The following LMO7 variants were observed in gnomAD, a reference collection of about 807,000 sequenced individuals.
LMO7 encodes the protein LIM domain only protein 7.
A neutral mutation model predicts 206.5 loss-of-function variants in LMO7; 120 were observed. The ratio of observed to expected loss-of-function variants is 0.58; its 90% CI spans 0.50 to 0.68. LMO7 has a LOEUF of 0.68. Ranked by LOEUF, LMO7 falls within the 30% of genes least tolerant of loss-of-function variation. The pLI is 0.00. For synonymous variants in LMO7, 706 were observed against 681.5 expected, an observed-to-expected ratio of 1.04 and a Z score of -0.56; for missense variants, 1,959 against 1,957.9, an observed-to-expected ratio of 1.00 and a Z score of -0.01.
chr13:75,819,307 T>C lies in LMO7; in HGVS notation c.2065-86T>C, dbSNP rs191148483. 3.1e-5 allele frequency: 45 copies of C among 1,435,364 alleles called. No individual in the cohort carries two copies. In the East Asian group the frequency reaches 8.5e-4, roughly 27 times the overall value. 88.9% of individuals were successfully genotyped at this position (1,435,364 alleles called of 1,614,324 possible). ...GTTGGAGTGAATAGTTTCAGTGATGTAATAAGATACTCTGGCACATTCTGT... is the reference window on the plus strand; with the variant it reads ...GTTGGAGTGAATAGTTTCAGTGATGCAATAAGATACTCTGGCACATTCTGT... On this transcript the variant is annotated intron_variant, in intron 12 of 30. Coordinates refer to ENST00000377534, the MANE Select transcript of LMO7 (RefSeq NM_001306080.2).
At chr13:75,642,060 T>C (rs775542758) in intron 1 of LMO7, among the ~76,000 whole-genome samples, 3 of 152,100 alleles carry the variant, frequency 2.0e-5, no homozygotes, top group Non-Finnish European at 4.4e-5. Flanking sequence ...TGGCAAGAGA[T>C]GAGGGAATTA....
At chr13:75,840,563 C>T (rs2059485155) in intron 22 of LMO7, 68 bp downstream of exon 22, 12 of 1,563,954 alleles carry the variant, frequency 7.7e-6, no homozygotes, top group African/African-American at 1.4e-5. Flanking sequence ...AGTCTGTCAA[C>T]CAGTATTGAG....
At chr13:75,799,047 T>G (rs2054395407) in intron 6 of LMO7, among the ~76,000 whole-genome samples, 1 of 152,246 alleles carries the variant, frequency 6.6e-6, no homozygotes, top group Non-Finnish European at 1.5e-5. Flanking sequence ...CCCCATCTGC[T>G]TGGAAGTAGC....
At chr13:75,785,935 G>C (rs377394388) in intron 4 of LMO7, among the ~76,000 whole-genome samples, 50 of 152,280 alleles carry the variant, frequency 3.3e-4, no homozygotes, top group African/African-American at 1.1e-3. Context: ...GTGTCTTCAG[G>C]AATATCAGTG....
intron 3 of LMO7, among the ~76,000 whole-genome samples, chr13:75,731,494 C>T (rs1356121246): frequency 6.6e-6 from 1 of 152,116 alleles, no homozygotes; most frequent in Non-Finnish European, 1.5e-5. Flanking sequence ...AGATCTTCCT[C>T]CATTCTTTTA....
intron 6 of LMO7, among the ~76,000 whole-genome samples, chr13:75,797,746 GC>G (rs1227648593): frequency 6.6e-6 from 1 of 152,194 alleles, no homozygotes; most frequent in Non-Finnish European, 1.5e-5. Flanking sequence ...ATGTATTATA[GC>G]AAGAGGTGGG....
Position 75,805,775 on chromosome 13 carries a change from A to G in LMO7, c.1196+15A>G, listed in dbSNP as rs775583992. ...CAGGGATTCAGGTTTGTCGTTGTGC[A>G]TGTTTCTGTCACACCAGTGTTCATT... On this transcript the variant is annotated intron_variant, in intron 9 of 30. Coordinates refer to ENST00000377534, the MANE Select transcript of LMO7 (RefSeq NM_001306080.2). 5.6e-6 allele frequency: 9 copies of G among 1,611,316 alleles called. No homozygotes were observed. The highest frequency in any genetic ancestry group is 8.5e-7 in the Non-Finnish European group (1 of 1,178,460).
rs1305271455 is a variant in LMO7, at chr13:75,805,617, G to A, written c.1053G>A (p.Val351=). ...ACATTGTAAAGGATGATCTTTATGTGCGCAAGCTCAGTCCAGTCATGCCAA... is the reference window on the plus strand; with the variant it reads ...ACATTGTAAAGGATGATCTTTATGTACGCAAGCTCAGTCCAGTCATGCCAA... ...IPNIVKDDLY[V]RKLSPVMPNP... The change falls in exon 9 of 31, where the codon GTG becomes GTA. Residue 351 remains valine (V), a synonymous_variant. Transcript: ENST00000377534. 1.2e-6 allele frequency: 2 copies of A among 1,614,050 alleles called. No individual in the cohort carries two copies. The highest frequency in any genetic ancestry group is 1.7e-6 in the Non-Finnish European group (2 of 1,179,904).
At chr13:75,829,106 T>C (rs897431830) in intron 15 of LMO7, among the ~76,000 whole-genome samples, 6 of 151,962 alleles carry the variant, frequency 3.9e-5, no homozygotes, top group African/African-American at 1.2e-4. Flanking sequence ...GACATGGCAA[T>C]GAATGAGGTT....
At chr13:75,718,327 G>A (rs1248234539) in intron 2 of LMO7, among the ~76,000 whole-genome samples, 1 of 152,164 alleles carries the variant, frequency 6.6e-6, no homozygotes, top group Non-Finnish European at 1.5e-5. Context: ...CCTTAAAGTT[G>A]AGGGTTGAAA....
intron 15 of LMO7, among the ~76,000 whole-genome samples, chr13:75,828,614 A>G (rs2058352011): frequency 6.6e-6 from 1 of 152,234 alleles, no homozygotes; most frequent in African/African-American, 2.4e-5. Flanking sequence ...TCTTCCAAGT[A>G]GGGCAGTAAG....
chr13:75,778,576 C>T lies in LMO7; in HGVS notation c.318-16825C>T, dbSNP rs538177527. On this transcript the variant is annotated intron_variant, in intron 4 of 30. Transcript: ENST00000377534. The stretch of plus-strand genomic sequence containing the variant: ...ATGCGCCCTTAAGCAGATGTAAGCA[C>T]CGTAAGGCATATTGAGTTTTTTTGA... 2.0e-5 allele frequency among the ~76,000 whole-genome samples: 3 copies of T among 152,352 alleles called. No homozygotes were observed. The East Asian group carries it at 5.8e-4, about 29-fold the overall frequency.
upstream of LMO7, chr13:75,635,981 G>GGCCGGGCGGCCGCGA (rs1376266832): frequency 2.0e-5 from 3 of 152,996 alleles, no homozygotes; most frequent in Admixed American, 1.3e-4. Flanking sequence ...ATGTCAAGCG[G>GGCCGGGCGGCCGCGA]GCCGGGCGGC....
rs374482530 is a variant in LMO7, at chr13:75,684,547, C to CTTT, written c.70-28618_70-28616dup. Among the ~76,000 whole-genome samples the CTTT allele has an allele frequency of 1.0e-4, 13 of 128,950 alleles. No individual in the cohort carries two copies. The East Asian group carries it at 1.2e-3, about 11-fold the overall frequency. The allele number at this position is 128,950 out of a possible 152,430, so 84.6% of individuals were successfully genotyped here. A position where few individuals can be genotyped will look rare whatever the true frequency, so the allele number is the denominator to read the frequency against. On this transcript the variant is annotated intron_variant, in intron 1 of 30. Transcript: ENST00000377534. ...GGCGTGAGCCACTGCGCCCGGCCGGCTTTTTTTTTTTTTTTTTTTAAACAA... is the reference window on the plus strand; with the variant it reads ...GGCGTGAGCCACTGCGCCCGGCCGGCTTTTTTTTTTTTTTTTTTTTTTAAACAA...
intron 1 of LMO7, among the ~76,000 whole-genome samples, chr13:75,666,793 T>C (rs1451171056): frequency 6.6e-6 from 1 of 152,232 alleles, no homozygotes; most frequent in Admixed American, 6.5e-5. Context: ...TGCAAGAGCA[T>C]GAGCTAATCA....
At chr13:75,711,127 C>G (rs1391054518) in intron 1 of LMO7, among the ~76,000 whole-genome samples, 2 of 152,168 alleles carry the variant, frequency 1.3e-5, no homozygotes, top group Non-Finnish European at 2.9e-5. Context: ...GTTGAACCAG[C>G]CTTGCATCCC....
In LMO7 at chr13:75,689,193, C is replaced by G. The variant is rs909984921; in HGVS notation, c.70-23989C>G. On this transcript the variant is annotated intron_variant, in intron 1 of 30. Coordinates refer to ENST00000377534, the MANE Select transcript of LMO7 (RefSeq NM_001306080.2). ...TAGGTCAGGAATAAGCAGCTCACTC[C>G]ACATCATTTATTTAATTTCACGTCT... The G allele has an allele frequency of 2.0e-5, 3 of 152,096 alleles. No homozygotes were observed. In the East Asian group the frequency reaches 5.8e-4, roughly 29 times the overall value. The allele number at this position is 152,096 out of a possible 1,614,324, so 9.4% of individuals were successfully genotyped here.
At chr13:75,852,025 C>T (rs1222634253) in intron 27 of LMO7, among the ~76,000 whole-genome samples, 2 of 152,008 alleles carry the variant, frequency 1.3e-5, no homozygotes, top group Non-Finnish European at 2.9e-5. Flanking sequence ...GGTATCTAAC[C>T]TAATGCTTGT....
At chr13:75,794,017 T>G (rs763641999) in intron 4 of LMO7, among the ~76,000 whole-genome samples, 3 of 152,260 alleles carry the variant, frequency 2.0e-5, no homozygotes, top group Non-Finnish European at 2.9e-5. Context: ...TGCCATATGA[T>G]ATTTCATTAC....
Sources: gnomAD v4.1 joint callset for allele counts (sites outside exome capture counted in the v4.1 genomes callset) on GRCh38, gnomAD v4.1.1 for gene constraint, MANE v1.5 for transcripts, NCBI Gene and HGNC (gene_info 2026-07-23, HGNC 2026-07-21) for gene names.